The following DRD3 variants were observed in gnomAD, a reference collection of about 807,000 sequenced individuals.
The protein encoded by DRD3 is D(3) dopamine receptor.
DRD3 carries 19 observed loss-of-function variants against 36.3 expected under a neutral mutation model. That is an observed-to-expected ratio of 0.52 (90% CI 0.36 to 0.77). DRD3 has a LOEUF of 0.77. DRD3 is among the 30% of genes least tolerant of loss of function. The probability of loss-of-function intolerance (pLI) is 0.00; values close to 1 mark genes in which losing one functional copy is unlikely to be tolerated. For missense variants in DRD3, 465 were observed against 505.3 expected, an observed-to-expected ratio of 0.92 and a Z score of 0.77; for synonymous variants, 195 against 203.7, an observed-to-expected ratio of 0.96 and a Z score of 0.36.
At chr3:114,173,378 G>T (rs768670492) in intron 1 of DRD3, among the ~76,000 whole-genome samples, 2 of 152,156 alleles carry the variant, frequency 1.3e-5, no homozygotes, top group Non-Finnish European at 2.9e-5. Context: ...CTCCCACAGT[G>T]CCAAGGAGAA....
At chr3:114,156,895 C>A (rs2077684829) in intron 3 of DRD3, among the ~76,000 whole-genome samples, 1 of 115,728 alleles carries the variant, frequency 8.6e-6, no homozygotes, top group African/African-American at 3.2e-5. Flanking sequence ...CTTTTCTTCT[C>A]TTTTCTTCCT....
chr3:114,170,849 G>A (rs1056030891), intron 2 of DRD3, among the ~76,000 whole-genome samples: 2 of 152,072 alleles, frequency 1.3e-5, no homozygotes, highest in Non-Finnish European at 2.9e-5. Flanking sequence ...GACACACAGT[G>A]CAGAGGAGAA....
intron 1 of DRD3, among the ~76,000 whole-genome samples, chr3:114,192,307 C>G (rs1257085798): frequency 6.6e-6 from 1 of 152,094 alleles, no homozygotes; most frequent in Non-Finnish European, 1.5e-5. Context: ...GTCTGGCTCC[C>G]TGCAAGTCTG....
chr3:114,160,535 C>T (rs1012393932), intron 2 of DRD3, among the ~76,000 whole-genome samples: 2 of 152,226 alleles, frequency 1.3e-5, no homozygotes, highest in Non-Finnish European at 2.9e-5. Flanking sequence ...CATAGATGCT[C>T]AGCTGGTGGT....
intron 1 of DRD3, among the ~76,000 whole-genome samples, chr3:114,197,758 C>T (rs544870004): frequency 6.6e-6 from 1 of 152,246 alleles, no homozygotes; most frequent in South Asian, 2.1e-4. Flanking sequence ...CCATATCTAT[C>T]TAGGTATATT....
Position 114,171,577 on chromosome 3 carries a change from T to G in DRD3, c.270+146A>C. The G allele has an allele frequency of 2.8e-6, 3 of 1,074,460 alleles. No homozygotes were observed. The South Asian group carries it at 6.3e-5, about 23-fold the overall frequency. 66.6% of individuals were successfully genotyped at this position (1,074,460 alleles called of 1,614,324 possible). ...GGTGACTGTTTTCCAGAGCTTTAAC[T>G]CTCTCATTACAGGGAGAATGAGAGC... On this transcript the variant is annotated intron_variant, in intron 2 of 6. Coordinates refer to ENST00000383673, the MANE Select transcript of DRD3 (RefSeq NM_000796.6).
chr3:114,138,385 C>T (rs1479369082), intron 5 of DRD3, among the ~76,000 whole-genome samples: 2 of 152,140 alleles, frequency 1.3e-5, no homozygotes, highest in African/African-American at 4.8e-5. Context: ...TTCCATGTGG[C>T]TGGGGAGGCC....
chr3:114,182,076 T>A (rs771647334), upstream of DRD3, among the ~76,000 whole-genome samples: 6 of 152,224 alleles, frequency 3.9e-5, no homozygotes, highest in Non-Finnish European at 7.3e-5. Flanking sequence ...GATACTGATC[T>A]GGTCTGAACA....
chr3:114,132,075 T>C (rs899471284), intron 5 of DRD3, among the ~76,000 whole-genome samples: 1 of 152,242 alleles, frequency 6.6e-6, no homozygotes, highest in African/African-American at 2.4e-5. Context: ...CAAAAGATTA[T>C]AAATCATTCT....
chr3:114,158,345 T>C (rs1426700759), intron 3 of DRD3, among the ~76,000 whole-genome samples: 11 of 152,148 alleles, frequency 7.2e-5, no homozygotes, highest in African/African-American at 1.4e-4. Flanking sequence ...AATTGTGTGG[T>C]ATGTGAGTTA....
chr3:114,153,427 G>C (rs1442388923), intron 3 of DRD3, among the ~76,000 whole-genome samples: 3 of 152,090 alleles, frequency 2.0e-5, no homozygotes, highest in Non-Finnish European at 4.4e-5. Flanking sequence ...CTGATATCAG[G>C]TAATATTAAA....
intron 3 of DRD3, among the ~76,000 whole-genome samples, chr3:114,157,385 A>C (rs575931740): frequency 2.0e-5 from 3 of 151,970 alleles, no homozygotes; most frequent in Admixed American, 2.0e-4. Context: ...ATCTCTTCCC[A>C]GGTTGCCCCA....
chr3:114,174,376 G>A (rs560129059), intron 1 of DRD3, among the ~76,000 whole-genome samples: 56 of 152,250 alleles, frequency 3.7e-4, no homozygotes, highest in African/African-American at 1.1e-3. Context: ...CACCTGCCAC[G>A]TAAGAGGGAG....
Position 114,128,632 on chromosome 3 carries a change from G to A in DRD3, c.*84C>T, listed in dbSNP as rs1359506169. The A allele has an allele frequency of 5.9e-6, 8 of 1,345,616 alleles. No homozygotes were observed. The highest frequency in any genetic ancestry group is 1.5e-5 in the African/African-American group (1 of 68,344). 83.4% of individuals were successfully genotyped at this position (1,345,616 alleles called of 1,614,324 possible). On this transcript the variant is annotated 3_prime_UTR_variant, in exon 7 of 7. Transcript: ENST00000383673. ...AGGAATCTTCTTCCTACTGCATGCC[G>A]GAGGACACTGCACAGTCTTTCTGAG...
chr3:114,131,046 T>A (rs2077424687), intron 6 of DRD3, 72 bp downstream of exon 6: 1 of 1,525,762 alleles, frequency 6.6e-7, no homozygotes, highest in Non-Finnish European at 8.9e-7. Context: ...TCCGATAGCA[T>A]CTTCTACCAG....
At position 114,134,298 on chromosome 3, in the gene DRD3, A is replaced by T. The variant is rs916294894; in HGVS notation, c.724-2898T>A. 5.6e-4 allele frequency among the ~76,000 whole-genome samples: 86 copies of T among 152,278 alleles called. 1 individual carries two copies. The highest frequency in any genetic ancestry group is 2.0e-3 in the African/African-American group (85 of 41,542). ...TTTTTAGTAGAAATGAGGTCTTGCT[A>T]TGTTGGCCAGGCTGGTCTCAAATTC... On this transcript the variant is annotated intron_variant, in intron 5 of 6. Transcript: ENST00000383673.
chr3:114,143,158 A>G (rs2077541053), intron 4 of DRD3, among the ~76,000 whole-genome samples: 1 of 152,274 alleles, frequency 6.6e-6, no homozygotes, highest in African/African-American at 2.4e-5. Flanking sequence ...TTGTTTTGTT[A>G]GCACAATAGT....
chr3:114,179,578 A>G (rs1456855028), upstream of DRD3, among the ~76,000 whole-genome samples: 1 of 152,212 alleles, frequency 6.6e-6, no homozygotes. Context: ...ACCAAGGACA[A>G]TATCAGTGAA....
At chr3:114,150,162 C>T (rs1429387502) in intron 3 of DRD3, among the ~76,000 whole-genome samples, 1 of 860 alleles carries the variant, frequency 1.2e-3, no homozygotes, top group Non-Finnish European at 2.8e-3. Context: ...TCCCACTGAT[C>T]CTGACACTCA....
Sources: allele counts gnomAD v4.1 joint callset (sites outside exome capture counted in the v4.1 genomes callset), GRCh38; gene constraint gnomAD v4.1.1; transcripts MANE v1.5; gene names NCBI Gene and HGNC (gene_info 2026-07-23, HGNC 2026-07-21).